The following GSTCD variants were observed in gnomAD, a reference collection of about 807,000 sequenced individuals.
The protein encoded by GSTCD is glutathione S-transferase C-terminal domain-containing protein.
A neutral mutation model predicts 68.3 loss-of-function variants in GSTCD; 44 were observed. That is an observed-to-expected ratio of 0.64 (90% confidence interval 0.51 to 0.83). The LOEUF is 0.83. GSTCD is among the 40% of genes least tolerant of loss of function. The pLI, the probability that GSTCD is intolerant of heterozygous loss-of-function variation, is 0.00. For synonymous variants in GSTCD, 273 were observed against 255.2 expected, an observed-to-expected ratio of 1.07 and a Z score of -0.67; for missense variants, 739 against 735.9, an observed-to-expected ratio of 1.00 and a Z score of -0.05.
intron 5 of GSTCD, among the ~76,000 whole-genome samples, chr4:105,771,210 TG>T (rs1380635986): frequency 6.6e-6 from 1 of 152,272 alleles, no homozygotes; most frequent in Middle Eastern, 3.4e-3. Flanking sequence ...GCCAACTTTT[TG>T]ATGAGGTTTT....
intron 5 of GSTCD, among the ~76,000 whole-genome samples, chr4:105,739,053 G>A (rs752038375): frequency 3.3e-5 from 5 of 152,290 alleles, no homozygotes; most frequent in South Asian, 2.1e-4. Flanking sequence ...AAAGGATGTT[G>A]AATTTTATCA....
At chr4:105,826,658 C>T (rs1260224351) in intron 8 of GSTCD, among the ~76,000 whole-genome samples, 1 of 152,072 alleles carries the variant, frequency 6.6e-6, no homozygotes, top group African/African-American at 2.4e-5. Flanking sequence ...CCTGCATTGA[C>T]TGAATACTGT....
At chr4:105,789,392 A>C (rs770697282) in intron 5 of GSTCD, among the ~76,000 whole-genome samples, 2 of 152,058 alleles carry the variant, frequency 1.3e-5, no homozygotes, top group Non-Finnish European at 2.9e-5. Flanking sequence ...CTACACAGTC[A>C]GTGTGTAGGC....
Position 105,719,375 on chromosome 4 carries a change from G to T in GSTCD, c.742G>T (p.Val248Leu), listed in dbSNP as rs976577391. ...ELKVAFSKLT[V>L]QEEPATTNRE... ...GAAAGTGGCATTCTCAAAGCTCACA[G>T]TACAGGAAGAACCAGCTACTACCAA... Residue 248 changes from valine (V) to leucine (L), a missense_variant, in exon 3 of 12, where the codon GTA (valine) becomes TTA (leucine). Coordinates refer to ENST00000515279, the MANE Select transcript of GSTCD (RefSeq NM_001370181.1). 2.5e-6 allele frequency: 4 copies of T among 1,614,098 alleles called. No individual in the cohort carries two copies. In the Admixed American group the frequency reaches 6.7e-5, roughly 27 times the overall value.
chr4:105,742,648 A>G (rs1417946268), intron 5 of GSTCD, among the ~76,000 whole-genome samples: 1 of 152,000 alleles, frequency 6.6e-6, no homozygotes, highest in Non-Finnish European at 1.5e-5. Context: ...GGAAGTGAGA[A>G]TTAATTACTG....
chr4:105,839,078 G>A (rs1724232053), intron 10 of GSTCD, among the ~76,000 whole-genome samples: 1 of 152,032 alleles, frequency 6.6e-6, no homozygotes, highest in Admixed American at 6.6e-5. Context: ...CACCTTATGT[G>A]CTACTCACAC....
chr4:105,796,032 T>C (rs1293966051), intron 5 of GSTCD, among the ~76,000 whole-genome samples: 4 of 152,238 alleles, frequency 2.6e-5, no homozygotes, highest in Non-Finnish European at 5.9e-5. Context: ...TAACTTTACC[T>C]GTGTATTAGT....
intron 5 of GSTCD, among the ~76,000 whole-genome samples, chr4:105,747,342 G>T (rs949730342): frequency 2.6e-5 from 4 of 152,206 alleles, no homozygotes; most frequent in African/African-American, 9.6e-5. Flanking sequence ...CATTTGGAAG[G>T]CTTGTTAAAT....
intron 5 of GSTCD, among the ~76,000 whole-genome samples, chr4:105,794,879 C>T (rs1578481258): frequency 1.4e-5 from 2 of 142,520 alleles, no homozygotes; most frequent in East Asian, 4.0e-4. Context: ...ATCTATCTAT[C>T]TATCTATCTA....
At chr4:105,834,683 T>A in intron 9 of GSTCD, 89 bp downstream of exon 9, 1 of 1,176,076 alleles carries the variant, frequency 8.5e-7, no homozygotes, top group South Asian at 1.7e-5. Flanking sequence ...AATGACTTAA[T>A]TTTTGGCTCA....
chr4:105,750,367 GGA>G (rs1733967779), intron 5 of GSTCD, among the ~76,000 whole-genome samples: 1 of 151,772 alleles, frequency 6.6e-6, no homozygotes, highest in Non-Finnish European at 1.5e-5. Context: ...GGCTGAGGCA[GGA>G]GAATTGCTTG....
intron 8 of GSTCD, among the ~76,000 whole-genome samples, chr4:105,830,353 C>T (rs901733285): frequency 9.9e-5 from 15 of 152,058 alleles, no homozygotes; most frequent in Non-Finnish European, 1.5e-5. Context: ...AAAATTCTAA[C>T]AGAAAACTTC....
chr4:105,788,485 T>C (rs1393966408), intron 5 of GSTCD, among the ~76,000 whole-genome samples: 5 of 152,124 alleles, frequency 3.3e-5, no homozygotes, highest in Non-Finnish European at 5.9e-5. Context: ...TGCCACTTTG[T>C]TTCCTACTTA....
chr4:105,765,070 A>G (rs1473919329), intron 5 of GSTCD, among the ~76,000 whole-genome samples: 1 of 152,186 alleles, frequency 6.6e-6, no homozygotes, highest in Non-Finnish European at 1.5e-5. Flanking sequence ...ATGCACATGT[A>G]CTGTATAACA....
At chr4:105,764,190 A>C (rs1025379577) in intron 5 of GSTCD, among the ~76,000 whole-genome samples, 2 of 152,190 alleles carry the variant, frequency 1.3e-5, no homozygotes, top group East Asian at 3.8e-4. Flanking sequence ...GCTTTATATT[A>C]GCAAAAAAGT....
chr4:105,743,167 G>A (rs895550612), intron 5 of GSTCD, among the ~76,000 whole-genome samples: 2 of 151,954 alleles, frequency 1.3e-5, no homozygotes, highest in African/African-American at 2.4e-5. Flanking sequence ...AGCCAGGATG[G>A]TCTCGATCTC....
At position 105,729,433 on chromosome 4, in the gene GSTCD, C is replaced by G. The variant is rs1733153046; in HGVS notation, c.1174C>G (p.Pro392Ala). Residue 392 changes from proline to alanine, a missense_variant, in exon 5 of 12, where the codon CCC (proline) becomes GCC (alanine). Transcript: ENST00000515279. ...AAAGGGCATTGAAGTGATGTTTTCT[C>G]CCCACCCTTGCCCTACTTGGACTCT... ...MEKGIEVMFSPHPCPTWTLDW... is the reference protein window; with the variant it reads ...MEKGIEVMFSAHPCPTWTLDW... 2 of 1,610,246 alleles carry G rather than the reference C, an allele frequency of 1.2e-6. No individual in the cohort carries two copies. Among genetic ancestry groups the G allele is most frequent in the Non-Finnish European group, 1.7e-6 (2 of 1,177,658 alleles).
intron 5 of GSTCD, among the ~76,000 whole-genome samples, chr4:105,818,447 A>G (rs1350422395): frequency 6.6e-6 from 1 of 151,910 alleles, no homozygotes; most frequent in East Asian, 1.9e-4. Flanking sequence ...AAATTCAAAG[A>G]AATGTCACTT....
At chr4:105,783,094 T>C (rs1735341892) in intron 5 of GSTCD, among the ~76,000 whole-genome samples, 1 of 152,212 alleles carries the variant, frequency 6.6e-6, no homozygotes, top group South Asian at 2.1e-4. Context: ...ATTTGACCTT[T>C]CTTCCTCCTA....
Sources: allele counts gnomAD v4.1 joint callset (sites outside exome capture counted in the v4.1 genomes callset), GRCh38; gene constraint gnomAD v4.1.1; transcripts MANE v1.5; gene names NCBI Gene and HGNC (gene_info 2026-07-23, HGNC 2026-07-21).